The following SELENON variants were observed in gnomAD, a reference collection of about 807,000 sequenced individuals.
SELENON encodes selenoprotein N, 1.
SELENON carries 44 observed loss-of-function variants against 59.5 expected under a neutral mutation model. The ratio of observed to expected loss-of-function variants is 0.74; its 90% CI spans 0.58 to 0.95. SELENON has a LOEUF of 0.95. Among genes scored for constraint, SELENON ranks in the 40% least tolerant of loss-of-function variants. The pLI is 0.00. For missense variants in SELENON, 674 were observed against 721.4 expected, an observed-to-expected ratio of 0.93 and a Z score of 0.75; for synonymous variants, 320 against 305.6, an observed-to-expected ratio of 1.05 and a Z score of -0.49.
intron 3 of SELENON, among the ~76,000 whole-genome samples, chr1:25,804,931 G>A (rs769422510): frequency 6.6e-6 from 1 of 152,128 alleles, no homozygotes; most frequent in African/African-American, 2.4e-5. Context: ...TTTCTCATTT[G>A]TCAAATGGAG....
At position 25,813,878 on chromosome 1, in the gene SELENON, C is replaced by T. The variant is rs754894330; in HGVS notation, c.1388-3C>T. The T allele has an allele frequency of 2.6e-5, 42 of 1,613,064 alleles. No homozygotes were observed. The Admixed American group carries it at 3.5e-4, about 13-fold the overall frequency. On this transcript the variant is annotated splice_polypyrimidine_tract_variant and splice_region_variant and intron_variant, in intron 10 of 12. Coordinates refer to ENST00000361547, the MANE Select transcript of SELENON (RefSeq NM_020451.3). ...CGCCTCACCCTTCTGTCTTCCTGAA[C>T]AGGTTCAGGGCGGACTCTCCGGGAG...
At position 25,815,660 on chromosome 1, in the gene SELENON, C is replaced by A. The variant is rs183272965; in HGVS notation, c.1715C>A (p.Thr572Asn). The change falls in exon 13 of 13, where the codon ACC (threonine) becomes AAC (asparagine). Residue 572 changes from threonine to asparagine, a missense_variant. Transcript: ENST00000361547. ...ACCTTTGAAGACCCGTCCACGGCCA[C>A]CTACATGCAGTTCCTGAAGGAGGGA... 2.1e-4 allele frequency: 342 copies of A among 1,614,204 alleles called. 3 individuals are homozygous for A. The African/African-American group carries it at 4.1e-3, about 19-fold the overall frequency.
chr1:25,814,253 T>C lies in SELENON; in HGVS notation c.1602+75T>C, dbSNP rs946203961. On this transcript the variant is annotated intron_variant, in intron 12 of 12. Coordinates refer to ENST00000361547, the MANE Select transcript of SELENON (RefSeq NM_020451.3). Reference sequence around the variant, plus strand: ...GGGAGCAACCAGCAGGAGGCGTGGATGTGCAGACTTCATCAGGCTTCGGGA... The same window carrying C: ...GGGAGCAACCAGCAGGAGGCGTGGACGTGCAGACTTCATCAGGCTTCGGGA... 7.4e-6 allele frequency: 8 copies of C among 1,085,586 alleles called. No individual in the cohort carries two copies. The Admixed American group carries it at 1.5e-4, about 21-fold the overall frequency. The allele number at this position is 1,085,586 out of a possible 1,614,324, so 67.2% of individuals were successfully genotyped here. A position where few individuals can be genotyped will look rare whatever the true frequency, so the allele number is the denominator to read the frequency against.
intron 4 of SELENON, 44 bp downstream of exon 3, chr1:25,805,319 C>G (rs72877449): frequency 8.1e-6 from 13 of 1,612,942 alleles, no homozygotes; most frequent in African/African-American, 1.3e-5. Context: ...GTGTGTATCC[C>G]GAAGATGAGT....
chr1:25,812,583 A>ACACACG, intron 9 of SELENON, 104 bp from the exon 9 acceptor site: 1 of 744,920 alleles, frequency 1.3e-6, no homozygotes, highest in South Asian at 1.5e-5. Flanking sequence ...ACACACACAC[A>ACACACG]CACACACACA....
At chr1:25,803,901 T>G (rs2047880475) in intron 3 of SELENON, among the ~76,000 whole-genome samples, 1 of 151,974 alleles carries the variant, frequency 6.6e-6, no homozygotes, top group Admixed American at 6.6e-5. Context: ...CGGGGTTTCA[T>G]CATGTTGGCC....
rs2048013499 is a variant in SELENON, at chr1:25,816,620, T to C, written c.*902T>C. On this transcript the variant is annotated 3_prime_UTR_variant, in exon 13 of 13. Coordinates refer to ENST00000361547, the MANE Select transcript of SELENON (RefSeq NM_020451.3). Reference sequence around the variant, plus strand: ...AACCAGGGGTGCCCCAGGCTAGCTCTTCTACCTCTGGGGCACCACGGACTC... The same window carrying C: ...AACCAGGGGTGCCCCAGGCTAGCTCCTCTACCTCTGGGGCACCACGGACTC... 6.5e-6 allele frequency: 1 copy of C among 152,746 alleles called. No homozygotes were observed. Among genetic ancestry groups the C allele is most frequent in the Non-Finnish European group, 1.5e-5 (1 of 68,102 alleles). The allele number at this position is 152,746 out of a possible 1,614,324, so 9.5% of individuals were successfully genotyped here. A position where few individuals can be genotyped will look rare whatever the true frequency, so the allele number is the denominator to read the frequency against.
rs960986619 is a variant in SELENON, at chr1:25,812,593, ACACACACACAC to A, written c.1282-93_1282-83del. On this transcript the variant is annotated intron_variant, in intron 9 of 12. Coordinates refer to ENST00000361547, the MANE Select transcript of SELENON (RefSeq NM_020451.3). ...CACACACACACACACACACACACAC[ACACACACACAC>A]ACTTGCACACACTACAGACTCAGCC... The A allele has an allele frequency of 2.2e-5, 18 of 805,470 alleles. No homozygotes were observed. In the African/African-American group the frequency reaches 2.5e-4, roughly 11 times the overall value. The allele number at this position is 805,470 out of a possible 1,614,324, so 49.9% of individuals were successfully genotyped here.
rs1468002049 is a variant in SELENON at position 25,807,914 on chromosome 1, CT to C, written c.538-662del. ...ATGAGGACTCGGGCTTAGGGAAGGC[CT>C]TTTGCCCAGGGTGGGGCAGGCTGTA... On this transcript the variant is annotated intron_variant, in intron 4 of 12. Coordinates refer to ENST00000361547, the MANE Select transcript of SELENON (RefSeq NM_020451.3). This position sits in a 1 kb window ranked among gnomAD's most constrained non-coding sequence, Gnocchi z 4.5. Among the ~76,000 whole-genome samples the C allele has an allele frequency of 6.6e-6, 1 of 152,240 alleles. No homozygotes were observed. The highest frequency in any genetic ancestry group is 1.5e-5 in the Non-Finnish European group (1 of 68,028).
At chr1:25,806,070 T>G (rs180936108) in intron 4 of SELENON, among the ~76,000 whole-genome samples, 7 of 152,344 alleles carry the variant, frequency 4.6e-5, no homozygotes, top group Admixed American at 4.6e-4. Flanking sequence ...TGCCTCTCTG[T>G]GCCCAGCCCA....
chr1:25,812,276 G>T (rs57622416), intron 9 of SELENON, among the ~76,000 whole-genome samples: 5 of 152,022 alleles, frequency 3.3e-5, no homozygotes, highest in African/African-American at 1.2e-4. Context: ...GAGCCCAGGA[G>T]TTCAAGGCTG....
At chr1:25,805,303 T>C (rs753637438) in intron 4 of SELENON, 28 bp downstream of exon 3, 1 of 1,613,170 alleles carries the variant, frequency 6.2e-7, no homozygotes, top group Non-Finnish European at 8.5e-7. Context: ...GGCAGTGGGG[T>C]CATCTGTGTG....
chr1:25,805,157 C>A lies in SELENON; in HGVS notation c.419C>A (p.Ala140Asp). 6.2e-7 allele frequency: 1 copy of A among 1,613,692 alleles called. No homozygotes were observed. Among genetic ancestry groups the A allele is most frequent in the Non-Finnish European group, 8.5e-7 (1 of 1,180,018 alleles). Residue 140 changes from alanine (A) to aspartate (D), a missense_variant, in exon 4 of 13, where the codon GCC (alanine) becomes GAC (aspartate). By Grantham distance (126) the Ala-to-Asp change is moderately radical. Coordinates refer to ENST00000361547, the MANE Select transcript of SELENON (RefSeq NM_020451.3). ...TGTCTCATAGGGTCAACTCCCGCGGCCAGCTGCGAGGAGGAGGAGTTGCCC... is the reference window on the plus strand; with the variant it reads ...TGTCTCATAGGGTCAACTCCCGCGGACAGCTGCGAGGAGGAGGAGTTGCCC...
chr1:25,800,275 C>A lies in SELENON; in HGVS notation c.45C>A (p.Gly15=), dbSNP rs1411813069. Residue 15 remains glycine, a synonymous_variant, in exon 1 of 13, where the codon GGC becomes GGA. Coordinates refer to ENST00000361547, the MANE Select transcript of SELENON (RefSeq NM_020451.3). ...GCCAACGCGGGCCGCCCAGCCCCGG[C>A]CCCGCCGCGCAGCCTCCCGCGCCAC... The A allele has an allele frequency of 1.0e-6, 1 of 975,214 alleles. No individual in the cohort carries two copies. The highest frequency in any genetic ancestry group is 1.2e-6 in the Non-Finnish European group (1 of 820,906). 60.4% of individuals were successfully genotyped at this position (975,214 alleles called of 1,614,324 possible). A position where few individuals can be genotyped will look rare whatever the true frequency, so the allele number is the denominator to read the frequency against.
chr1:25,809,849 G>A, intron 7 of SELENON, 29 bp downstream of exon 6: 1 of 1,610,494 alleles, frequency 6.2e-7, no homozygotes, highest in Non-Finnish European at 8.5e-7. Context: ...CCCAGCCTTG[G>A]CTCCCTCCTA....
chr1:25,812,876 T>C (rs1169504516), intron 10 of SELENON, 84 bp downstream of exon 9: 2 of 1,066,822 alleles, frequency 1.9e-6, no homozygotes, highest in Admixed American at 4.1e-5. Flanking sequence ...CCAATGGGAC[T>C]CTTCTGTTGA....
Position 25,808,777 on chromosome 1 carries a change from C to G in SELENON, c.735C>G (p.Pro245=). Reference sequence around the variant, plus strand: ...ACAACCGCTTCTATCCACCGCCGCCCAAGGGCAAGGAGGTGAGGACAGCTG... The same window carrying G: ...ACAACCGCTTCTATCCACCGCCGCCGAAGGGCAAGGAGGTGAGGACAGCTG... Residue 245 remains proline, a synonymous_variant, in exon 5 of 13, where the codon CCC becomes CCG. Coordinates refer to ENST00000361547, the MANE Select transcript of SELENON (RefSeq NM_020451.3). 6.2e-7 allele frequency: 1 copy of G among 1,613,822 alleles called. No homozygotes were observed. The highest frequency in any genetic ancestry group is 8.5e-7 in the Non-Finnish European group (1 of 1,179,936).
Position 25,800,399 on chromosome 1 carries a change from G to A in SELENON, c.169G>A (p.Ala57Thr), listed in dbSNP as rs1220473799. The change falls in exon 1 of 13, where the codon GCG becomes ACG. Residue 57 changes from alanine to threonine, a missense_variant. By Grantham distance (58) the Ala-to-Thr change is moderately conservative. Transcript: ENST00000361547. Reference sequence around the variant, plus strand: ...CTGCGCCCGCCACGCCGAGGCCCAGGCGGCCGCGCGGCAGGTCCGGGCCCG... The same window carrying A: ...CTGCGCCCGCCACGCCGAGGCCCAGACGGCCGCGCGGCAGGTCCGGGCCCG... 3 of 1,094,916 alleles carry A rather than the reference G, an allele frequency of 2.7e-6. No homozygotes were observed. Among genetic ancestry groups the A allele is most frequent in the Non-Finnish European group, 3.3e-6 (3 of 901,066 alleles). 67.8% of individuals were successfully genotyped at this position (1,094,916 alleles called of 1,614,324 possible).
chr1:25,804,748 C>A (rs1168117546), intron 3 of SELENON, among the ~76,000 whole-genome samples: 1 of 146,510 alleles, frequency 6.8e-6, no homozygotes, highest in Non-Finnish European at 1.5e-5. Context: ...GTTTCTGTTT[C>A]TTGCTTCATT....
Sources: gnomAD v4.1 joint callset for allele counts (sites outside exome capture counted in the v4.1 genomes callset) on GRCh38, gnomAD v4.1.1 for gene constraint, Gnocchi (gnomAD v3.1) non-coding constraint, MANE v1.5 for transcripts, NCBI Gene and HGNC (gene_info 2026-07-23, HGNC 2026-07-21) for gene names.